COPZ1: variants seen among roughly 807,000 people sequenced by gnomAD.
COPZ1 encodes the protein coatomer subunit zeta-1.
COPZ1 carries 4 observed loss-of-function variants against 31.7 expected under a neutral mutation model. The ratio of observed to expected loss-of-function variants is 0.13; its 90% CI spans 0.06 to 0.29. COPZ1 has a LOEUF of 0.29. Among genes scored for constraint, COPZ1 ranks in the 10% least tolerant of loss-of-function variants. The pLI is 1.00. For missense variants in COPZ1, 156 were observed against 211.5 expected (o/e 0.74, Z 1.63); for synonymous variants, 74 against 79.0 (o/e 0.94, Z 0.33).
chr12:54,345,763 C>G (rs956938513), intron 5 of COPZ1, among the ~76,000 whole-genome samples: 1 of 151,958 alleles, frequency 6.6e-6, no homozygotes, highest in African/African-American at 2.4e-5. Context: ...TGAGACCATC[C>G]TGGTTAACAT....
rs1179332786 is a variant in COPZ1 at position 54,345,694 on chromosome 12, ACG to A, written c.317+180_317+181del. Reference sequence around the variant, plus strand: ...TGGGTTTTGCCGGGCTCAGTGGCTCACGTTCGTAATCCCAGTACTTTGGGAGG... The same window carrying A: ...TGGGTTTTGCCGGGCTCAGTGGCTCATTCGTAATCCCAGTACTTTGGGAGG... On this transcript the variant is annotated intron_variant, in intron 5 of 8. Coordinates refer to ENST00000262061, the MANE Select transcript of COPZ1 (RefSeq NM_016057.3). Among the ~76,000 whole-genome samples, 49 of 152,282 alleles carry A rather than the reference ACG, an allele frequency of 3.2e-4. 1 individual carries two copies. The highest frequency in any genetic ancestry group is 1.2e-3 in the African/African-American group (49 of 41,568).
chr12:54,334,226 TCTACAAAAAACACAAAAATAAGCCAGG>T (rs1254019841), intron 1 of COPZ1, among the ~76,000 whole-genome samples: 1 of 151,664 alleles, frequency 6.6e-6, no homozygotes, highest in African/African-American at 2.4e-5. Context: ...AAACCCCGTC[TCTACAAAAAACACAAAAATAAGCCAGG>T]CTACAAAAAA....
At chr12:54,350,048 G>A (rs1954121374) in intron 8 of COPZ1, 1 of 599,390 alleles carries the variant, frequency 1.7e-6, no homozygotes, top group Admixed American at 2.9e-5. Flanking sequence ...TCTAGAATAT[G>A]CAGGTTTTGC....
chr12:54,338,589 C>G (rs1953913810), intron 1 of COPZ1, among the ~76,000 whole-genome samples: 1 of 152,198 alleles, frequency 6.6e-6, no homozygotes, highest in African/African-American at 2.4e-5. Flanking sequence ...ATCAGAAAAT[C>G]CACTTATATG....
intron 1 of COPZ1, among the ~76,000 whole-genome samples, chr12:54,328,658 T>A (rs1953703422): frequency 1.3e-5 from 2 of 152,236 alleles, no homozygotes; most frequent in South Asian, 4.1e-4. Flanking sequence ...TTCAGCCTGC[T>A]TCTTCCTTAT....
chr12:54,339,463 T>C (rs1953932979), intron 1 of COPZ1, among the ~76,000 whole-genome samples: 1 of 152,136 alleles, frequency 6.6e-6, no homozygotes, highest in African/African-American at 2.4e-5. Context: ...TCCTATCACC[T>C]CAGCCTCCTG....
rs1954135337 is a variant in COPZ1 at position 54,350,846 on chromosome 12, A to G, written c.*323A>G. 1 of 380,300 alleles carries G rather than the reference A, an allele frequency of 2.6e-6. No homozygotes were observed. Among genetic ancestry groups the G allele is most frequent in the South Asian group, 3.5e-5 (1 of 28,674 alleles). 23.6% of individuals were successfully genotyped at this position (380,300 alleles called of 1,614,324 possible). A position where few individuals can be genotyped will look rare whatever the true frequency, so the allele number is the denominator to read the frequency against. On this transcript the variant is annotated 3_prime_UTR_variant, in exon 9 of 9. Transcript: ENST00000262061. ...TTGTAAATTCTGTGCCCTTTGCTGT[A>G]GCTACACTTCAGATTAAAGTAGGAG...
intron 1 of COPZ1, among the ~76,000 whole-genome samples, chr12:54,328,159 CCA>C (rs1448275019): frequency 1.3e-5 from 2 of 151,438 alleles, no homozygotes; most frequent in Non-Finnish European, 2.9e-5. Context: ...GCCTATAGTC[CCA>C]ACTACTCAGG....
chr12:54,346,475 G>A (rs765102894), intron 5 of COPZ1: 10 of 523,408 alleles, frequency 1.9e-5, no homozygotes, highest in African/African-American at 1.4e-4. Context: ...GTTTTACCAT[G>A]TTGGCCAGGC....
intron 1 of COPZ1, among the ~76,000 whole-genome samples, chr12:54,332,106 C>T (rs1019188579): frequency 1.3e-4 from 19 of 151,436 alleles, no homozygotes; most frequent in African/African-American, 3.6e-4. Context: ...GGGCGGATCA[C>T]GAGGTCAGGA....
At chr12:54,345,396 G>C (rs1954044509) in intron 4 of COPZ1, 64 bp from the exon 5 acceptor site, 7 of 1,271,434 alleles carry the variant, frequency 5.5e-6, no homozygotes, top group South Asian at 1.2e-5. Flanking sequence ...AGGAGGTTTT[G>C]TTTTTAGGTA....
intron 1 of COPZ1, among the ~76,000 whole-genome samples, chr12:54,326,512 G>A (rs1565587114): frequency 6.7e-6 from 1 of 148,510 alleles, no homozygotes; most frequent in East Asian, 2.0e-4. Context: ...GGTCGCTAAA[G>A]GGCTGTATTA....
intron 4 of COPZ1, among the ~76,000 whole-genome samples, chr12:54,344,095 A>G (rs1954019241): frequency 2.0e-5 from 3 of 152,230 alleles, no homozygotes; most frequent in Admixed American, 2.0e-4. Flanking sequence ...ACATGTAGAA[A>G]ATGGCTCAGC....
chr12:54,325,792 C>G (rs1163510119), intron 1 of COPZ1: 1 of 151,858 alleles, frequency 6.6e-6, no homozygotes, highest in Non-Finnish European at 1.5e-5. Context: ...TTTTCTCTAC[C>G]CATTTAGACC....
intron 6 of COPZ1, 66 bp from the exon 7 acceptor site, chr12:54,347,934 T>A: frequency 1.2e-6 from 2 of 1,605,318 alleles, no homozygotes; most frequent in South Asian, 2.2e-5. Context: ...CCAGAGGTCC[T>A]GTTCCCCGAC....
intron 1 of COPZ1, 124 bp downstream of exon 1, chr12:54,325,305 G>A: frequency 7.8e-7 from 1 of 1,286,350 alleles, no homozygotes; most frequent in Non-Finnish European, 1.1e-6. Context: ...GCGTTCTGCT[G>A]ACCTTTGGAA....
At chr12:54,335,175 C>T (rs1250982495) in intron 1 of COPZ1, among the ~76,000 whole-genome samples, 1 of 138,868 alleles carries the variant, frequency 7.2e-6, no homozygotes, top group Non-Finnish European at 1.5e-5. Context: ...CAAAGTGAAA[C>T]TCTGTCAAAA....
intron 3 of COPZ1, among the ~76,000 whole-genome samples, chr12:54,342,937 A>T (rs1479194266): frequency 6.8e-6 from 1 of 146,358 alleles, no homozygotes; most frequent in African/African-American, 2.6e-5. Context: ...GCTCCCTGCA[A>T]CCTCCGCCTC....
chr12:54,332,718 G>T (rs1300293834), intron 1 of COPZ1, among the ~76,000 whole-genome samples: 5 of 139,904 alleles, frequency 3.6e-5, no homozygotes, highest in African/African-American at 1.3e-4. Flanking sequence ...TGGGCAACAA[G>T]AATGAAACTC....
Sources: allele counts gnomAD v4.1 joint callset (sites outside exome capture counted in the v4.1 genomes callset), GRCh38; gene constraint gnomAD v4.1.1; transcripts MANE v1.5; gene names NCBI Gene and HGNC (gene_info 2026-07-23, HGNC 2026-07-21).